The following GLG1 variants were observed in gnomAD, a reference collection of about 807,000 sequenced individuals.
GLG1 encodes the protein golgi glycoprotein 1.
A neutral mutation model predicts 160.5 loss-of-function variants in GLG1; 38 were observed. The observed-to-expected ratio is 0.24, with a 90% CI of 0.18 to 0.31. The LOEUF (loss-of-function observed/expected upper bound fraction) is 0.31. Among genes scored for constraint, GLG1 ranks in the 10% least tolerant of loss-of-function variants. GLG1 has a pLI of 1.00. For missense variants in GLG1, 1,373 were observed against 1,505.2 expected (o/e 0.91, Z 1.45); for synonymous variants, 644 against 543.4 (o/e 1.19, Z -2.57).
chr16:74,582,606 G>C (rs1366780935), intron 1 of GLG1, among the ~76,000 whole-genome samples: 3 of 151,784 alleles, frequency 2.0e-5, no homozygotes, highest in African/African-American at 7.2e-5. Context: ...GGATCACGAG[G>C]TCAGGAGATC....
rs1567450621 is a variant in GLG1 at position 74,453,146 on chromosome 16, C to T, written c.*21G>A. ...CAAACTGGGCACTGGATAGGTAGTT[C>T]CTTTGGTGGTCAAGGTGGCTCTACC... On this transcript the variant is annotated 3_prime_UTR_variant, in exon 26 of 26. Transcript: ENST00000422840. The T allele has an allele frequency of 6.2e-7, 1 of 1,611,286 alleles. No homozygotes were observed.
chr16:74,532,074 C>A (rs374048221), intron 2 of GLG1, 47 bp downstream of exon 2: 8 of 830,608 alleles, frequency 9.6e-6, no homozygotes, highest in African/African-American at 7.0e-5. Context: ...AATCTGTCAT[C>A]GTATCTATAA....
In GLG1 at chr16:74,452,151, G is replaced by A. The variant is rs776324035; in HGVS notation, c.*1016C>T. The A allele has an allele frequency of 6.2e-7, 1 of 1,613,222 alleles. No individual in the cohort carries two copies. The highest frequency in any genetic ancestry group is 1.3e-5 in the African/African-American group (1 of 74,984). ...TGTAGCCTGAAAAATAAAGCAAAGT[G>A]AGTCAAACCTCTGGCTCCCACTTCC... On this transcript the variant is annotated 3_prime_UTR_variant, in exon 26 of 26. Transcript: ENST00000422840.
chr16:74,509,114 T>A (rs1340261171), intron 2 of GLG1, among the ~76,000 whole-genome samples, 189 bp from the exon 3 acceptor site: 1 of 146,478 alleles, frequency 6.8e-6, no homozygotes, highest in East Asian at 2.0e-4. Flanking sequence ...GCAAGCCAAA[T>A]AAAAGGATGA....
chr16:74,541,025 T>C (rs914278459), intron 1 of GLG1, among the ~76,000 whole-genome samples: 2 of 152,106 alleles, frequency 1.3e-5, no homozygotes, highest in Non-Finnish European at 2.9e-5. Flanking sequence ...ACTACCGAAA[T>C]ACAGTATAAA....
At chr16:74,518,902 T>G (rs979440420) in intron 2 of GLG1, among the ~76,000 whole-genome samples, 1 of 152,168 alleles carries the variant, frequency 6.6e-6, no homozygotes, top group Non-Finnish European at 1.5e-5. Context: ...GTAAATTAGT[T>G]CAACCATTGT....
At chr16:74,531,782 G>T (rs118066943) in intron 2 of GLG1, among the ~76,000 whole-genome samples, 1 of 152,120 alleles carries the variant, frequency 6.6e-6, no homozygotes, top group African/African-American at 2.4e-5. Context: ...TGCTACTATA[G>T]CGTTTGGCAA....
Position 74,494,772 on chromosome 16 carries a change from G to T in GLG1, c.1038C>A (p.Ser346=). The T allele has an allele frequency of 7.1e-7, 1 of 1,416,166 alleles. No individual in the cohort carries two copies. The highest frequency in any genetic ancestry group is 1.0e-6 in the Non-Finnish European group (1 of 1,000,310). The allele number at this position is 1,416,166 out of a possible 1,614,324, so 87.7% of individuals were successfully genotyped here. A position where few individuals can be genotyped will look rare whatever the true frequency, so the allele number is the denominator to read the frequency against. ...KCLFNHKFEE[S]MSEKCREALT... ...AAATAATACTTACCTTTTCACTCAT[G>T]GATTCTTCAAATTTATGGTTAAAGA... Residue 346 remains serine, a synonymous_variant, in exon 6 of 26, where the codon TCC becomes TCA. Transcript: ENST00000422840.
chr16:74,537,422 T>C (rs886658838), intron 1 of GLG1, among the ~76,000 whole-genome samples: 1 of 151,638 alleles, frequency 6.6e-6, no homozygotes, highest in Non-Finnish European at 1.5e-5. Flanking sequence ...TTTTCTATAG[T>C]AGTTAGCAAT....
rs1487181436 is a variant in GLG1 at position 74,447,587 on chromosome 16, G to A, written c.*5580C>T. 6.6e-6 allele frequency: 1 copy of A among 152,138 alleles called. No individual in the cohort carries two copies. The highest frequency in any genetic ancestry group is 6.5e-5 in the Admixed American group (1 of 15,272). The allele number at this position is 152,138 out of a possible 1,614,324, so 9.4% of individuals were successfully genotyped here. A position where few individuals can be genotyped will look rare whatever the true frequency, so the allele number is the denominator to read the frequency against. ...ACCACCACGATTTTATACATAGAAA[G>A]GAAACCCATTTACAAAAGAGGCTTG... On this transcript the variant is annotated 3_prime_UTR_variant, in exon 26 of 26. Coordinates refer to ENST00000422840, the MANE Select transcript of GLG1 (RefSeq NM_001145667.2).
intron 1 of GLG1, among the ~76,000 whole-genome samples, chr16:74,570,141 A>G (rs1401054785): frequency 6.6e-6 from 1 of 152,208 alleles, no homozygotes; most frequent in Non-Finnish European, 1.5e-5. Flanking sequence ...TTTTATATTA[A>G]TAAAAATCAA....
At chr16:74,477,224 A>C (rs1263733415) in intron 12 of GLG1, among the ~76,000 whole-genome samples, 172 bp downstream of exon 12, 2 of 152,204 alleles carry the variant, frequency 1.3e-5, no homozygotes, top group Non-Finnish European at 2.9e-5. Flanking sequence ...TGATACAAAG[A>C]CCAGAGAGAA....
intron 19 of GLG1, 100 bp downstream of exon 19, chr16:74,465,576 C>A (rs1458665816): frequency 2.3e-5 from 28 of 1,239,316 alleles, no homozygotes; most frequent in South Asian, 1.2e-4. Flanking sequence ...GTCTAGGGAC[C>A]ACACTTTGAG....
At chr16:74,544,089 A>T (rs538548535) in intron 1 of GLG1, among the ~76,000 whole-genome samples, 2 of 152,264 alleles carry the variant, frequency 1.3e-5, no homozygotes, top group African/African-American at 4.8e-5. Flanking sequence ...AAAACATCTC[A>T]TAGGTATGTC....
At chr16:74,500,588 C>T (rs1359550362) in intron 4 of GLG1, among the ~76,000 whole-genome samples, 1 of 151,898 alleles carries the variant, frequency 6.6e-6, no homozygotes, top group Non-Finnish European at 1.5e-5. Flanking sequence ...CTGCTGTCTT[C>T]TGTAATCTAC....
At chr16:74,582,922 T>C (rs1446044119) in intron 1 of GLG1, among the ~76,000 whole-genome samples, 1 of 152,142 alleles carries the variant, frequency 6.6e-6, no homozygotes, top group Non-Finnish European at 1.5e-5. Context: ...CCAGAAACCA[T>C]GCTCTTTTCT....
At chr16:74,590,418 G>T (rs909853556) in intron 1 of GLG1, among the ~76,000 whole-genome samples, 3 of 151,818 alleles carry the variant, frequency 2.0e-5, no homozygotes, top group African/African-American at 7.3e-5. Context: ...AGGAGTTCGA[G>T]ACCAGCCTGA....
chr16:74,540,741 A>G (rs2017838991), intron 1 of GLG1, among the ~76,000 whole-genome samples: 1 of 151,800 alleles, frequency 6.6e-6, no homozygotes, highest in Non-Finnish European at 1.5e-5. Flanking sequence ...GGAAGGAAAC[A>G]GAGTCAGGCA....
chr16:74,501,277 ATG>A (rs1306471822), intron 4 of GLG1, among the ~76,000 whole-genome samples: 2 of 152,180 alleles, frequency 1.3e-5, no homozygotes, highest in African/African-American at 2.4e-5. Flanking sequence ...TCAGAAGTTC[ATG>A]TGTGAGTCTA....
Sources: allele counts gnomAD v4.1 joint callset (sites outside exome capture counted in the v4.1 genomes callset), GRCh38; gene constraint gnomAD v4.1.1; transcripts MANE v1.5; gene names NCBI Gene and HGNC (gene_info 2026-07-23, HGNC 2026-07-21).